The following TEP1 variants were observed in gnomAD, a reference collection of about 807,000 sequenced individuals.
TEP1 encodes the protein telomerase protein component 1.
TEP1 carries 241 observed loss-of-function variants against 306.3 expected under a neutral mutation model. That is an observed-to-expected ratio of 0.79 (90% CI 0.71 to 0.88). TEP1 has a LOEUF of 0.88. Among genes scored for constraint, TEP1 ranks in the 40% least tolerant of loss-of-function variants. TEP1 has a pLI of 0.00. For missense variants in TEP1, 3,051 were observed against 3,276.1 expected (o/e 0.93, Z 1.68); for synonymous variants, 1,289 against 1,305.5 (o/e 0.99, Z 0.27).
At chr14:20,377,785 A>G (rs183722794) in intron 39 of TEP1, 32 bp from the exon 40 acceptor site, 227 of 1,608,924 alleles carry the variant, frequency 1.4e-4, no homozygotes, top group Admixed American at 8.8e-4. Context: ...TAAGGATACC[A>G]CCTCCACCAC....
Position 20,400,988 on chromosome 14 carries a change from G to A in TEP1, c.1545C>T (p.Leu515=), listed in dbSNP as rs1455733491. ...TGATGGTCAAGGTCACTCTACCAAT[G>A]AGTTCCTCCCAGACCGACGCTTTGT... The part of the protein sequence containing the change: ...RGNKASVWEE[L]IENGKLPFMA... The change falls in exon 9 of 55, where the codon CTC becomes CTT. Residue 515 remains leucine, a synonymous_variant. Coordinates refer to ENST00000262715, the MANE Select transcript of TEP1 (RefSeq NM_007110.5). The A allele has an allele frequency of 2.5e-6, 4 of 1,614,018 alleles. No homozygotes were observed. Among genetic ancestry groups the A allele is most frequent in the African/African-American group, 2.7e-5 (2 of 74,926 alleles).
Position 20,372,838 on chromosome 14 carries a change from G to A in TEP1, c.6971C>T (p.Ala2324Val), listed in dbSNP as rs1051565431. 18 of 1,614,050 alleles carry A rather than the reference G, an allele frequency of 1.1e-5. No individual in the cohort carries two copies. The highest frequency in any genetic ancestry group is 1.5e-5 in the Non-Finnish European group (18 of 1,180,046). The stretch of plus-strand genomic sequence containing the variant: ...GGTGTGTGCCGAGGACCAGATCAGA[G>A]CACCAATGTGGCCTGGAGCCTGGTG... ...ATAQAPGHIG[A>V]LIWSSAHTFF... The change falls in exon 49 of 55, where the codon GCT (alanine) becomes GTT (valine). Residue 2324 changes from alanine (A) to valine (V), a missense_variant. Coordinates refer to ENST00000262715, the MANE Select transcript of TEP1 (RefSeq NM_007110.5).
At chr14:20,401,221 T>A in intron 8 of TEP1, 80 bp from the exon 9 acceptor site, 1 of 1,539,414 alleles carries the variant, frequency 6.5e-7, no homozygotes. Flanking sequence ...GAGTCATGTT[T>A]ACAGGGCATG....
Position 20,381,275 on chromosome 14 carries a change from C to T in TEP1, c.4647+38G>A. The T allele has an allele frequency of 6.3e-7, 1 of 1,592,542 alleles. No homozygotes were observed. Among genetic ancestry groups the T allele is most frequent in the Admixed American group, 1.7e-5 (1 of 59,996 alleles). ...GGGGTCTCAGAGCAACCAAAGCACT[C>T]ACTTTGGGAAAGGTGTCTATGGGGT... On this transcript the variant is annotated intron_variant, in intron 32 of 54. Coordinates refer to ENST00000262715, the MANE Select transcript of TEP1 (RefSeq NM_007110.5). The surrounding 1 kb of genome is among the most constrained non-coding windows in gnomAD (Gnocchi z 4.0).
At chr14:20,401,341 C>A in intron 8 of TEP1, 116 bp downstream of exon 8, 2 of 1,469,244 alleles carry the variant, frequency 1.4e-6, no homozygotes, top group South Asian at 1.3e-5. Context: ...GTCTACAGGG[C>A]ATGTCTGTCT....
intron 47 of TEP1, 59 bp from the exon 48 acceptor site, chr14:20,373,206 C>A: frequency 1.2e-6 from 2 of 1,612,906 alleles, no homozygotes; most frequent in Non-Finnish European, 1.7e-6. Context: ...TAAGAGATAT[C>A]AGGCCACCCT....
chr14:20,371,908 G>A (rs977033545), intron 49 of TEP1, among the ~76,000 whole-genome samples: 1 of 152,040 alleles, frequency 6.6e-6, no homozygotes, highest in African/African-American at 2.4e-5. Context: ...TGCAACACAT[G>A]CCTAAATCCG....
intron 43 of TEP1, 26 bp downstream of exon 43, chr14:20,375,729 T>TG (rs1356608139): frequency 6.4e-7 from 1 of 1,552,552 alleles, no homozygotes; most frequent in African/African-American, 1.4e-5. Flanking sequence ...AGCTGGGCTC[T>TG]GTGCCACCCC....
At chr14:20,378,262 C>A in intron 38 of TEP1, 26 bp from the exon 39 acceptor site, 1 of 1,613,372 alleles carries the variant, frequency 6.2e-7, no homozygotes, top group Non-Finnish European at 8.5e-7. Context: ...GAAATGGAAA[C>A]GTGAAGACCT....
In TEP1 at chr14:20,383,241, G is replaced by T; in HGVS notation, c.3980C>A (p.Ala1327Asp). Residue 1327 changes from alanine to aspartate, a missense_variant, in exon 27 of 55, where the codon GCC (alanine) becomes GAC (aspartate). By Grantham distance (126) the Ala-to-Asp change is moderately radical. Around this residue, in one of 3 missense-constraint regions of TEP1, gnomAD observed 1,540 missense variants for 1,705.9 expected, o/e 0.90. Transcript: ENST00000262715. Reference sequence around the variant, plus strand: ...GGCCAGCTCCTCTCTCACCAGCCGGGCCCGAGCAGAGGCCTCCAGAGGCCC... The same window carrying T: ...GGCCAGCTCCTCTCTCACCAGCCGGTCCCGAGCAGAGGCCTCCAGAGGCCC... ...ALGPLEASAR[A>D]RLVREELALY... 6.2e-7 allele frequency: 1 copy of T among 1,613,988 alleles called. No homozygotes were observed. Among genetic ancestry groups the T allele is most frequent in the Non-Finnish European group, 8.5e-7 (1 of 1,179,986 alleles).
intron 13 of TEP1, 83 bp downstream of exon 13, chr14:20,391,516 C>T (rs895289563): frequency 5.4e-6 from 8 of 1,474,614 alleles, no homozygotes; most frequent in Non-Finnish European, 7.3e-6. Flanking sequence ...CCTGGGAAAA[C>T]CAGCTCTGGG....
intron 41 of TEP1, 45 bp downstream of exon 41, chr14:20,377,235 G>T: frequency 2.8e-6 from 4 of 1,406,000 alleles, no homozygotes; most frequent in Non-Finnish European, 2.9e-6. Flanking sequence ...AAAAAGAAAA[G>T]AAAAGAACAG....
At chr14:20,403,969 C>T (rs139494450) in intron 5 of TEP1, 85 bp from the exon 6 acceptor site, 22 of 1,568,122 alleles carry the variant, frequency 1.4e-5, no homozygotes, top group African/African-American at 1.3e-4. Context: ...TGGAGATACA[C>T]GAGAGCACAG....
In TEP1 at chr14:20,381,813, C is replaced by T; in HGVS notation, c.4424+100G>A. ...GGAGCAGCTGGAGCAGTAGCTCATT[C>T]ATGGTCTGGGAGCCAGTTGTTGAAG... On this transcript the variant is annotated intron_variant, in intron 30 of 54. Coordinates refer to ENST00000262715, the MANE Select transcript of TEP1 (RefSeq NM_007110.5). The surrounding 1 kb of genome is among the most constrained non-coding windows in gnomAD (Gnocchi z 4.0). 6.5e-7 allele frequency: 1 copy of T among 1,545,772 alleles called. No individual in the cohort carries two copies. Among genetic ancestry groups the T allele is most frequent in the Non-Finnish European group, 8.7e-7 (1 of 1,148,508 alleles).
intron 1 of TEP1, among the ~76,000 whole-genome samples, chr14:20,409,746 C>T (rs988036778): frequency 6.6e-5 from 10 of 151,970 alleles, no homozygotes; most frequent in South Asian, 6.2e-4. Context: ...GCTGGCCGGG[C>T]GCGGTGGCTC....
chr14:20,377,649 C>T lies in TEP1; in HGVS notation c.5826G>A (p.Val1942=). The change falls in exon 40 of 55, where the codon GTG becomes GTA. Residue 1942 remains valine, a synonymous_variant. Coordinates refer to ENST00000262715, the MANE Select transcript of TEP1 (RefSeq NM_007110.5). ...TGCCATCCGCTCGATATCCAACAGC[C>T]ACCCGATCACCATCTGGGCTGAGTG... The part of the protein sequence containing the change: ...SVALSPDGDR[V]AVGYRADGIR... The T allele has an allele frequency of 6.2e-7, 1 of 1,614,150 alleles. No individual in the cohort carries two copies. The highest frequency in any genetic ancestry group is 8.5e-7 in the Non-Finnish European group (1 of 1,180,022).
In TEP1 at chr14:20,376,106, G is replaced by A. The variant is rs372524137; in HGVS notation, c.6247C>T (p.Arg2083Trp). The A allele has an allele frequency of 2.3e-4, 368 of 1,613,570 alleles. No homozygotes were observed. Among genetic ancestry groups the A allele is most frequent in the Middle Eastern group, 8.4e-4 (5 of 5,982 alleles). ...GGTTGCATCCTTCTGCAGCTCACCC[G>A]ATCCCGGCCCCCGGTGGCCAGGCTG... The part of the protein sequence containing the change: ...GGSLATGGRD[R>W]SLLCWDVRTP... The change falls in exon 42 of 55, where the codon CGG (arginine) becomes TGG (tryptophan). Residue 2083 changes from arginine (R) to tryptophan (W), a missense_variant and splice_region_variant. Physicochemically the swap from Arg to Trp is moderately radical, Grantham distance 101 (BLOSUM62 -3). This residue lies in a region of TEP1 where 1,540 missense variants were observed against 1,705.9 expected (regional missense o/e 0.90). Coordinates refer to ENST00000262715, the MANE Select transcript of TEP1 (RefSeq NM_007110.5).
At position 20,381,679 on chromosome 14, in the gene TEP1, C is replaced by T. The variant is rs1876547290; in HGVS notation, c.4432G>A (p.Gly1478Arg). The T allele has an allele frequency of 1.9e-6, 3 of 1,603,468 alleles. No homozygotes were observed. The African/African-American group carries it at 4.0e-5, about 22-fold the overall frequency. ...CCAGGGCGCTCCAGAGGGCCCTCCC[C>T]TAGCAAACTGTCCTCGTGTGAGGAA... ...CLVQSLRSLL[G>R]EGPLERPGAR... is the part of the protein sequence containing the mutation. The change falls in exon 31 of 55, where the codon GGG (glycine) becomes AGG (arginine). Residue 1478 changes from glycine to arginine, a missense_variant. By Grantham distance (125) the Gly-to-Arg change is moderately radical. Around this residue, in one of 3 missense-constraint regions of TEP1, gnomAD observed 1,540 missense variants for 1,705.9 expected, o/e 0.90. Coordinates refer to ENST00000262715, the MANE Select transcript of TEP1 (RefSeq NM_007110.5). This position sits in a 1 kb window ranked among gnomAD's most constrained non-coding sequence, Gnocchi z 4.0.
In TEP1 at chr14:20,401,175, A is replaced by C. The variant is rs752057643; in HGVS notation, c.1392-34T>G. 4.6e-5 allele frequency: 74 copies of C among 1,607,858 alleles called. No homozygotes were observed. The South Asian group carries it at 7.9e-4, about 17-fold the overall frequency. ...AGGTAAGAAAGAGGTCTATCATTTC[A>C]GAGTCAGCAAGAAAATAACTCAGAA... On this transcript the variant is annotated intron_variant, in intron 8 of 54. Transcript: ENST00000262715.
Sources: gnomAD v4.1 joint callset for allele counts (sites outside exome capture counted in the v4.1 genomes callset) on GRCh38, gnomAD v4.1.1 for gene constraint, gnomAD v4.1.1 regional missense constraint, Gnocchi (gnomAD v3.1) non-coding constraint, MANE v1.5 for transcripts, NCBI Gene and HGNC (gene_info 2026-07-23, HGNC 2026-07-21) for gene names.